Variants in PTPRN2 observed in about 807,000 individuals in gnomAD.
PTPRN2 encodes receptor-type tyrosine-protein phosphatase N2.
PTPRN2 carries 74 observed loss-of-function variants against 118.8 expected under a neutral mutation model. The observed-to-expected ratio is 0.62, with a 90% CI of 0.52 to 0.76. The LOEUF (loss-of-function observed/expected upper bound fraction) is 0.76. Among genes scored for constraint, PTPRN2 ranks in the 30% least tolerant of loss-of-function variants. The pLI, the probability that PTPRN2 is intolerant of heterozygous loss-of-function variation, is 0.00. For missense variants in PTPRN2, 1,481 were observed against 1,394.4 expected, an observed-to-expected ratio of 1.06 and a Z score of -0.99; for synonymous variants, 641 against 608.0, an observed-to-expected ratio of 1.05 and a Z score of -0.80.
At chr7:157,561,448 C>T (rs1799187790) in intron 21 of PTPRN2, among the ~76,000 whole-genome samples, 1 of 152,262 alleles carries the variant, frequency 6.6e-6, no homozygotes, top group Admixed American at 6.5e-5. Flanking sequence ...GCCCCTCTGT[C>T]CCTGGAGCCC....
intron 2 of PTPRN2, among the ~76,000 whole-genome samples, chr7:158,327,419 A>G (rs1193074690): frequency 6.6e-6 from 1 of 151,756 alleles, no homozygotes; most frequent in African/African-American, 2.4e-5. Flanking sequence ...ACACATGTAC[A>G]CGTTCTCACA....
In PTPRN2 at chr7:157,905,827, C is replaced by A. The variant is rs117464889; in HGVS notation, c.1724-7090G>T. Among the ~76,000 whole-genome samples, 1,806 of 152,304 alleles carry A rather than the reference C, an allele frequency of 0.012. 152 individuals carry two copies. In the East Asian group the frequency reaches 0.23, roughly 20 times the overall value. ...CCCAGGCCCGGGGTGAAGCTGTCAC[C>A]TGGAGCCTGGCCAGCTTTCTGGACG... On this transcript the variant is annotated intron_variant, in intron 11 of 22. Transcript: ENST00000389418.
At chr7:157,601,992 C>A (rs1801696189) in intron 16 of PTPRN2, among the ~76,000 whole-genome samples, 1 of 152,216 alleles carries the variant, frequency 6.6e-6, no homozygotes, top group African/African-American at 2.4e-5. Flanking sequence ...AAGTGAGAGG[C>A]TGGCACATCA....
intron 5 of PTPRN2, among the ~76,000 whole-genome samples, chr7:158,167,695 G>A (rs1468896450): frequency 3.9e-5 from 6 of 152,178 alleles, no homozygotes; most frequent in South Asian, 4.1e-4. Flanking sequence ...CTGCTCATTC[G>A]CTTTCAGTCT....
At chr7:158,344,482 C>T (rs1437306247) in intron 2 of PTPRN2, among the ~76,000 whole-genome samples, 1 of 152,110 alleles carries the variant, frequency 6.6e-6, no homozygotes. Flanking sequence ...ACGCCTTGCA[C>T]CCAGGTCTTG....
chr7:157,573,675 C>A (rs1057297528), intron 19 of PTPRN2, among the ~76,000 whole-genome samples: 2 of 152,216 alleles, frequency 1.3e-5, no homozygotes, highest in Non-Finnish European at 2.9e-5. Context: ...TGGCAAAATG[C>A]AGTAATAACC....
chr7:157,663,351 C>T (rs1185420317), intron 13 of PTPRN2, among the ~76,000 whole-genome samples: 1 of 152,180 alleles, frequency 6.6e-6, no homozygotes, highest in African/African-American at 2.4e-5. Context: ...CCTGGGAAGA[C>T]GTGGCTGCAG....
rs560689621 is a variant in PTPRN2, at chr7:158,532,196, G to C, written c.113-42411C>G. The stretch of plus-strand genomic sequence containing the variant: ...CCGCTTCAGGGTTGGCCCAGCACCT[G>C]GGTGGTGCCCATGCCCCCAGTGTAA... On this transcript the variant is annotated intron_variant, in intron 1 of 22. Coordinates refer to ENST00000389418, the MANE Select transcript of PTPRN2 (RefSeq NM_002847.5). 3.3e-5 allele frequency among the ~76,000 whole-genome samples: 5 copies of C among 152,364 alleles called. 1 individual carries two copies. In the South Asian group the frequency reaches 1.0e-3, roughly 32 times the overall value.
intron 1 of PTPRN2, among the ~76,000 whole-genome samples, chr7:158,498,541 G>GTTTTAATCAGCTCTTGGT (rs140827179): frequency 0.22 from 33,495 of 151,874 alleles, 3,956 homozygotes; most frequent in South Asian, 0.37. Context: ...ATGGCACGTG[G>GTTTTAATCAGCTCTTGGT]TTTTAATCAG....
intron 11 of PTPRN2, among the ~76,000 whole-genome samples, chr7:158,017,822 C>T (rs146648368): frequency 5.6e-4 from 85 of 152,284 alleles, no homozygotes; most frequent in African/African-American, 1.9e-3. Context: ...ATTTCACACA[C>T]GCACAAGGAG....
intron 12 of PTPRN2, chr7:157,863,237 G>A (rs1460438126): frequency 6.6e-6 from 1 of 152,242 alleles, no homozygotes; most frequent in Non-Finnish European, 1.5e-5. Flanking sequence ...TGCCTTACGT[G>A]GCTGATGTAC....
chr7:157,834,019 T>A (rs1807764493), intron 12 of PTPRN2, among the ~76,000 whole-genome samples: 1 of 152,242 alleles, frequency 6.6e-6, no homozygotes, highest in Non-Finnish European at 1.5e-5. Flanking sequence ...TCTGCCAACG[T>A]CCTTCGAAAC....
At chr7:158,262,716 C>G (rs1429317067) in intron 3 of PTPRN2, among the ~76,000 whole-genome samples, 1 of 150,338 alleles carries the variant, frequency 6.7e-6, no homozygotes, top group African/African-American at 2.5e-5. Context: ...GATTCACACA[C>G]ATTGCGCACA....
chr7:158,412,585 C>T lies in PTPRN2; in HGVS notation c.163+77150G>A, dbSNP rs189064552. ...GCACCAGGGCCTATCTCAGCACCCT[C>T]CTCAGCTCCAGGGCCCATCCAGTGC... On this transcript the variant is annotated intron_variant, in intron 2 of 22. Coordinates refer to ENST00000389418, the MANE Select transcript of PTPRN2 (RefSeq NM_002847.5). Among the ~76,000 whole-genome samples the T allele has an allele frequency of 9.9e-4, 117 of 118,716 alleles. 1 individual carries two copies. The highest frequency in any genetic ancestry group is 2.1e-3 in the South Asian group (6 of 2,838). The allele number at this position is 118,716 out of a possible 152,430, so 77.9% of individuals were successfully genotyped here.
intron 12 of PTPRN2, among the ~76,000 whole-genome samples, chr7:157,726,432 C>T (rs200213569): frequency 5.9e-5 from 9 of 151,982 alleles, no homozygotes; most frequent in African/African-American, 1.4e-4. Flanking sequence ...GATATCCACA[C>T]GCAGAGGAGT....
In PTPRN2 at chr7:158,236,665, GC is replaced by G. The variant is rs1829573894; in HGVS notation, c.278-31393del. Among the ~76,000 whole-genome samples, 3 of 152,090 alleles carry G rather than the reference GC, an allele frequency of 2.0e-5. 1 individual carries two copies. The South Asian group carries it at 6.2e-4, about 32-fold the overall frequency. On this transcript the variant is annotated intron_variant, in intron 3 of 22. Transcript: ENST00000389418. Reference sequence around the variant, plus strand: ...GGCCAGTGGAACCTGTCCCTGCCTGGCCCCCCAGTTACCCAGTTACCCGGTG... The same window carrying G: ...GGCCAGTGGAACCTGTCCCTGCCTGGCCCCCAGTTACCCAGTTACCCGGTG...
At chr7:157,579,622 C>G (rs569656614) in intron 17 of PTPRN2, among the ~76,000 whole-genome samples, 1 of 152,340 alleles carries the variant, frequency 6.6e-6, no homozygotes, top group South Asian at 2.1e-4. Context: ...ACTGGGGGGA[C>G]CCGGACGGCC....
intron 11 of PTPRN2, among the ~76,000 whole-genome samples, chr7:157,972,896 A>G (rs551658938): frequency 7.3e-6 from 1 of 137,066 alleles, no homozygotes. Context: ...CAGAGACCAG[A>G]GTAACTCCAC....
At chr7:157,748,444 G>T (rs1309065315) in intron 12 of PTPRN2, among the ~76,000 whole-genome samples, 1 of 150,024 alleles carries the variant, frequency 6.7e-6, no homozygotes, top group Non-Finnish European at 1.5e-5. Context: ...CTGTGTCCCT[G>T]AGCTGTGGGG....
Sources: gnomAD v4.1 joint callset for allele counts (sites outside exome capture counted in the v4.1 genomes callset) on GRCh38, gnomAD v4.1.1 for gene constraint, MANE v1.5 for transcripts, NCBI Gene and HGNC (gene_info 2026-07-23, HGNC 2026-07-21) for gene names.